The following DLG2 variants were observed in gnomAD, a reference collection of about 807,000 sequenced individuals.
DLG2 encodes discs large MAGUK scaffold protein 2, also known as disks large homolog 2.
A neutral mutation model predicts 132.5 loss-of-function variants in DLG2; 45 were observed. That is an observed-to-expected ratio of 0.34 (90% CI 0.27 to 0.44). DLG2 has a LOEUF of 0.44. Ranked by LOEUF, DLG2 falls within the 20% of genes least tolerant of loss-of-function variation. The pLI is 1.00. For missense variants in DLG2, 1,045 were observed against 1,196.9 expected (o/e 0.87, Z 1.87); for synonymous variants, 424 against 419.6 (o/e 1.01, Z -0.13).
At chr11:85,275,768 T>C (rs1468430281) in intron 4 of DLG2, among the ~76,000 whole-genome samples, 4 of 152,218 alleles carry the variant, frequency 2.6e-5, no homozygotes, top group African/African-American at 7.2e-5. Context: ...GAAGTTAATA[T>C]ATGTAAGGAT....
At chr11:85,030,963 TTTTA>T (rs2060949691) in intron 6 of DLG2, among the ~76,000 whole-genome samples, 1 of 152,028 alleles carries the variant, frequency 6.6e-6, no homozygotes, top group South Asian at 2.1e-4. Context: ...TTAAATTTTA[TTTTA>T]TTTTAGATTC....
chr11:84,429,750 CTTAAA>C (rs1377402273), intron 7 of DLG2, among the ~76,000 whole-genome samples: 1 of 152,158 alleles, frequency 6.6e-6, no homozygotes, highest in Non-Finnish European at 1.5e-5. Flanking sequence ...GATAATCATG[CTTAAA>C]TTAATCTTGC....
chr11:84,936,404 C>G (rs1215183581), intron 6 of DLG2, among the ~76,000 whole-genome samples: 1 of 152,000 alleles, frequency 6.6e-6, no homozygotes, highest in African/African-American at 2.4e-5. Flanking sequence ...CATATTTTTA[C>G]TTAAATATTT....
intron 6 of DLG2, among the ~76,000 whole-genome samples, chr11:84,622,116 T>C (rs529171941): frequency 6.6e-6 from 1 of 152,302 alleles, no homozygotes; most frequent in East Asian, 1.9e-4. Context: ...CCACAGAGAA[T>C]GGGCTGCTTT....
intron 3 of DLG2, among the ~76,000 whole-genome samples, chr11:85,520,204 T>C (rs576410289): frequency 6.6e-6 from 1 of 152,100 alleles, no homozygotes; most frequent in African/African-American, 2.4e-5. Flanking sequence ...ACACCGATAA[T>C]GATCAAACTG....
intron 4 of DLG2, among the ~76,000 whole-genome samples, chr11:85,164,319 G>A (rs1469093852): frequency 6.6e-6 from 1 of 151,974 alleles, no homozygotes; most frequent in Non-Finnish European, 1.5e-5. Flanking sequence ...TTTGGGGCTG[G>A]TACTCTGGTC....
At chr11:85,053,018 A>T (rs1267418944) in intron 6 of DLG2, among the ~76,000 whole-genome samples, 1 of 152,008 alleles carries the variant, frequency 6.6e-6, no homozygotes, top group Non-Finnish European at 1.5e-5. Flanking sequence ...TTTTTTCTAC[A>T]TTGTCATATC....
At chr11:84,483,560 A>C (rs2099143468) in intron 7 of DLG2, among the ~76,000 whole-genome samples, 1 of 152,144 alleles carries the variant, frequency 6.6e-6, no homozygotes, top group Admixed American at 6.6e-5. Context: ...TTAATAGCAT[A>C]AAAAACCACA....
Position 84,806,296 on chromosome 11 carries a change from C to T in DLG2, c.358-271565G>A, listed in dbSNP as rs1376437986. Among the ~76,000 whole-genome samples the T allele has an allele frequency of 2.6e-5, 4 of 151,952 alleles. No homozygotes were observed. In the East Asian group the frequency reaches 5.8e-4, roughly 22 times the overall value. ...CATGGCTGAAAATGCTTTGAAATAA[C>T]CAAACAAATCATAACAAACAGATTC... On this transcript the variant is annotated intron_variant, in intron 6 of 27. Transcript: ENST00000376104.
intron 4 of DLG2, among the ~76,000 whole-genome samples, chr11:85,182,055 A>AT (rs2079740606): frequency 6.6e-6 from 1 of 151,952 alleles, no homozygotes; most frequent in Non-Finnish European, 1.5e-5. Flanking sequence ...AATAGTTTTT[A>AT]TTTTTTGAAT....
At chr11:84,025,999 A>T (rs1234585933) in intron 11 of DLG2, among the ~76,000 whole-genome samples, 1 of 152,146 alleles carries the variant, frequency 6.6e-6, no homozygotes, top group East Asian at 1.9e-4. Context: ...CTACTTCTGA[A>T]ACTTAAAAAA....
At chr11:84,701,633 A>C (rs2059238663) in intron 6 of DLG2, among the ~76,000 whole-genome samples, 1 of 151,478 alleles carries the variant, frequency 6.6e-6, no homozygotes, top group Non-Finnish European at 1.5e-5. Flanking sequence ...GGCACATTTT[A>C]TTTTTCTTTT....
intron 14 of DLG2, among the ~76,000 whole-genome samples, chr11:83,936,960 C>T (rs73508292): frequency 0.021 from 3,132 of 152,136 alleles, 99 homozygotes; most frequent in African/African-American, 0.071. Context: ...AGATCAAGGC[C>T]GTTGAGACAT....
intron 5 of DLG2, among the ~76,000 whole-genome samples, chr11:85,135,741 T>A (rs1195469912): frequency 6.6e-6 from 1 of 152,230 alleles, no homozygotes; most frequent in African/African-American, 2.4e-5. Context: ...TAGTTTTAAC[T>A]CTTTATTTCC....
rs930142358 is a variant in DLG2 at position 84,843,166 on chromosome 11, G to C, written c.357+268495C>G. On this transcript the variant is annotated intron_variant, in intron 6 of 27. Transcript: ENST00000376104. The stretch of plus-strand genomic sequence containing the variant: ...CAGTGCAAAACTTTTGGAAGTAATG[G>C]ATATGTTGATTAGCTTGATTATGGT... Among the ~76,000 whole-genome samples the C allele has an allele frequency of 2.6e-5, 4 of 151,842 alleles. No individual in the cohort carries two copies. In the East Asian group the frequency reaches 7.8e-4, roughly 29 times the overall value.
At chr11:85,562,910 G>A (rs962502236) in intron 3 of DLG2, among the ~76,000 whole-genome samples, 4 of 151,842 alleles carry the variant, frequency 2.6e-5, no homozygotes, top group Non-Finnish European at 4.4e-5. Context: ...TGCAAACATA[G>A]AGAAGGGAGT....
At chr11:85,276,768 C>G (rs1300382746) in intron 4 of DLG2, among the ~76,000 whole-genome samples, 1 of 152,136 alleles carries the variant, frequency 6.6e-6, no homozygotes, top group Non-Finnish European at 1.5e-5. Flanking sequence ...AAAATACAGT[C>G]AATCATCTAC....
At chr11:83,616,295 T>C (rs1335255524) in intron 19 of DLG2, among the ~76,000 whole-genome samples, 1 of 152,192 alleles carries the variant, frequency 6.6e-6, no homozygotes, top group Non-Finnish European at 1.5e-5. Flanking sequence ...TTGGCTCTGA[T>C]AGATACTGAC....
chr11:85,307,522 G>A (rs896402869), intron 3 of DLG2, among the ~76,000 whole-genome samples: 1 of 152,128 alleles, frequency 6.6e-6, no homozygotes, highest in Admixed American at 6.5e-5. Flanking sequence ...ACGTTGGCTA[G>A]GTGACAGAGG....
Sources: allele counts gnomAD v4.1 joint callset (sites outside exome capture counted in the v4.1 genomes callset), GRCh38; gene constraint gnomAD v4.1.1; transcripts MANE v1.5; gene names NCBI Gene and HGNC (gene_info 2026-07-23, HGNC 2026-07-21).